The following LAMA2 variants were observed in gnomAD, a reference collection of about 807,000 sequenced individuals.
LAMA2 encodes the protein laminin subunit alpha 2.
LAMA2 carries 269 observed loss-of-function variants against 364.8 expected under a neutral mutation model. The ratio of observed to expected loss-of-function variants is 0.74; its 90% CI spans 0.67 to 0.82. LAMA2 has a LOEUF of 0.82. Ranked by LOEUF, LAMA2 falls within the 40% of genes least tolerant of loss-of-function variation. The probability of loss-of-function intolerance (pLI) is 0.00; values close to 1 mark genes in which losing one functional copy is unlikely to be tolerated. For missense variants in LAMA2, 3,807 were observed against 3,873.2 expected (o/e 0.98, Z 0.45); for synonymous variants, 1,379 against 1,370.6 (o/e 1.01, Z -0.14).
rs112572391 is a variant in LAMA2, at chr6:129,276,918, G to T, written c.2451-3143G>T. ...TCACATACATAAACATATATAGATT[G>T]TTGACATAGTCACATGTATACACAT... On this transcript the variant is annotated intron_variant, in intron 17 of 64. Coordinates refer to ENST00000421865, the MANE Select transcript of LAMA2 (RefSeq NM_000426.4). Among the ~76,000 whole-genome samples the T allele has an allele frequency of 7.3e-3, 1,103 of 151,828 alleles. 12 individuals carry two copies. Among genetic ancestry groups the T allele is most frequent in the African/African-American group, 0.026 (1,060 of 41,378 alleles).
At chr6:129,050,804 A>C (rs1416453509) in intron 2 of LAMA2, among the ~76,000 whole-genome samples, 5 of 152,196 alleles carry the variant, frequency 3.3e-5, no homozygotes, top group Admixed American at 3.3e-4. Context: ...CCAGATTATG[A>C]AGGCATTTAA....
chr6:129,108,732 A>C lies in LAMA2; in HGVS notation c.639+10317A>C, dbSNP rs1281262424. Among the ~76,000 whole-genome samples the C allele has an allele frequency of 2.0e-5, 3 of 152,238 alleles. No homozygotes were observed. The East Asian group carries it at 5.8e-4, about 29-fold the overall frequency. ...AAGACAATAATAGTAACTTATATGC[A>C]TAATTGTTAAAGCAATTTTAAGATT... On this transcript the variant is annotated intron_variant, in intron 4 of 64. Coordinates refer to ENST00000421865, the MANE Select transcript of LAMA2 (RefSeq NM_000426.4).
intron 22 of LAMA2, among the ~76,000 whole-genome samples, chr6:129,312,134 T>A (rs1355930078): frequency 7.0e-6 from 1 of 143,562 alleles, no homozygotes; most frequent in Non-Finnish European, 1.5e-5. Flanking sequence ...GAAAGAACTA[T>A]GTTCCAGTAA....
chr6:129,292,830 C>A (rs1479976842), intron 20 of LAMA2: 4 of 985,626 alleles, frequency 4.1e-6, no homozygotes, highest in Non-Finnish European at 4.8e-6. Context: ...TCCAGAGAAG[C>A]GATTCTGTGT....
rs536391653 is a variant in LAMA2 at position 128,952,923 on chromosome 6, T to A, written c.112+69566T>A. On this transcript the variant is annotated intron_variant, in intron 1 of 64. Transcript: ENST00000421865. Reference sequence around the variant, plus strand: ...CCCTCTCTCTTCTAAGCTTTCCTCTTTGTTGTCTTTATTTTCACTAGGGTT... The same window carrying A: ...CCCTCTCTCTTCTAAGCTTTCCTCTATGTTGTCTTTATTTTCACTAGGGTT... 3.3e-5 allele frequency among the ~76,000 whole-genome samples: 5 copies of A among 152,248 alleles called. No homozygotes were observed. The South Asian group carries it at 6.2e-4, about 19-fold the overall frequency.
chr6:128,975,595 A>G (rs1782480683), intron 1 of LAMA2, among the ~76,000 whole-genome samples: 2 of 152,146 alleles, frequency 1.3e-5, no homozygotes, highest in Non-Finnish European at 2.9e-5. Context: ...CACAATTCCC[A>G]AGGGTCATGG....
At chr6:129,363,736 A>G (rs1777601516) in intron 32 of LAMA2, among the ~76,000 whole-genome samples, 1 of 152,292 alleles carries the variant, frequency 6.6e-6, no homozygotes, top group South Asian at 2.1e-4. Context: ...GGTGTGGACC[A>G]GCCCTCTAGG....
rs188599963 is a variant in LAMA2 at position 129,470,446 on chromosome 6, C to T, written c.7301-2768C>T. On this transcript the variant is annotated intron_variant, in intron 51 of 64. Coordinates refer to ENST00000421865, the MANE Select transcript of LAMA2 (RefSeq NM_000426.4). ...TAAGTAGATATAAACTTGAGTTTGCCCAGATGGCTAAAACCTGAGATGTGG... is the reference window on the plus strand; with the variant it reads ...TAAGTAGATATAAACTTGAGTTTGCTCAGATGGCTAAAACCTGAGATGTGG... Among the ~76,000 whole-genome samples, 794 of 151,836 alleles carry T rather than the reference C, an allele frequency of 5.2e-3. 6 individuals are homozygous for T. The highest frequency in any genetic ancestry group is 7.4e-3 in the Non-Finnish European group (505 of 67,818).
At chr6:129,189,688 T>C (rs1396795576) in intron 10 of LAMA2, among the ~76,000 whole-genome samples, 1 of 152,148 alleles carries the variant, frequency 6.6e-6, no homozygotes, top group Non-Finnish European at 1.5e-5. Flanking sequence ...CAAATTCCTA[T>C]GCTTGCCTCA....
intron 1 of LAMA2, among the ~76,000 whole-genome samples, chr6:129,031,126 G>A (rs1300231374): frequency 6.6e-6 from 1 of 152,158 alleles, no homozygotes; most frequent in Non-Finnish European, 1.5e-5. Flanking sequence ...TTATGTGTGT[G>A]TTCAAACAGC....
At chr6:129,005,272 A>G (rs535130554) in intron 1 of LAMA2, among the ~76,000 whole-genome samples, 270 of 151,580 alleles carry the variant, frequency 1.8e-3, no homozygotes, top group Non-Finnish European at 3.3e-3. Flanking sequence ...TTTCTTCCCT[A>G]TCTCCTTTAT....
At chr6:129,332,913 G>A (rs1775743101) in intron 29 of LAMA2, among the ~76,000 whole-genome samples, 1 of 118,608 alleles carries the variant, frequency 8.4e-6, no homozygotes, top group Admixed American at 9.1e-5. Context: ...TTTTTTTTGA[G>A]AGGGAGTCTT....
intron 1 of LAMA2, among the ~76,000 whole-genome samples, chr6:128,901,130 C>T (rs1020838371): frequency 2.0e-5 from 3 of 152,176 alleles, no homozygotes; most frequent in African/African-American, 7.2e-5. Flanking sequence ...GCACTTTAGC[C>T]TGGGCAACAG....
At chr6:129,328,633 C>T (rs568065949) in intron 29 of LAMA2, among the ~76,000 whole-genome samples, 1 of 152,250 alleles carries the variant, frequency 6.6e-6, no homozygotes, top group African/African-American at 2.4e-5. Context: ...AGAATTTTAG[C>T]AGCATCTTAG....
chr6:129,051,634 T>C (rs984685512), intron 2 of LAMA2, among the ~76,000 whole-genome samples: 2 of 147,596 alleles, frequency 1.4e-5, no homozygotes, highest in African/African-American at 5.0e-5. Flanking sequence ...ATATATATTA[T>C]ATGTAGAGAG....
At position 129,460,257 on chromosome 6, in the gene LAMA2, G is replaced by T. The variant is rs1783182757; in HGVS notation, c.6925G>T (p.Asp2309Tyr). The T allele has an allele frequency of 2.5e-6, 4 of 1,611,684 alleles. No individual in the cohort carries two copies. The South Asian group carries it at 4.4e-5, about 18-fold the overall frequency. Reference sequence around the variant, plus strand: ...TGGCTGCATGGGAGAAACATACTTTGACAACAAACCTATAGGTTTGTGGAA... The same window carrying T: ...TGGCTGCATGGGAGAAACATACTTTTACAACAAACCTATAGGTTTGTGGAA... ...FTGCMGETYF[D>Y]NKPIGLWNFR... Residue 2309 changes from aspartate to tyrosine, a missense_variant, in exon 49 of 65, where the codon GAC becomes TAC. By Grantham distance (160) the Asp-to-Tyr change is radical. This residue lies in a region of LAMA2 where 3,333 missense variants were observed against 3,345.7 expected (regional missense o/e 1.00). Coordinates refer to ENST00000421865, the MANE Select transcript of LAMA2 (RefSeq NM_000426.4).
chr6:129,313,907 C>T (rs550296543), intron 23 of LAMA2, among the ~76,000 whole-genome samples: 1 of 152,202 alleles, frequency 6.6e-6, no homozygotes, highest in African/African-American at 2.4e-5. Flanking sequence ...CAATTATGAT[C>T]ATATATTTAA....
intron 34 of LAMA2, among the ~76,000 whole-genome samples, chr6:129,378,840 A>G (rs1778519753): frequency 1.3e-5 from 2 of 152,276 alleles, no homozygotes; most frequent in Middle Eastern, 3.4e-3. Context: ...GATGCCTTCT[A>G]TATATCTCTA....
Position 129,252,282 on chromosome 6 carries a change from G to T in LAMA2, c.2083G>T (p.Asp695Tyr). Reference protein sequence around the residue: ...LLQITYSFGMDAIFRLSSVNL... With the variant: ...LLQITYSFGMYAIFRLSSVNL... Reference sequence around the variant, plus strand: ...ACAAATCACATACAGCTTTGGGATGGATGCCATCTTCAGGTAAAATCAAGA... The same window carrying T: ...ACAAATCACATACAGCTTTGGGATGTATGCCATCTTCAGGTAAAATCAAGA... Residue 695 changes from aspartate (D) to tyrosine (Y), a missense_variant, in exon 14 of 65, where the codon GAT (aspartate) becomes TAT (tyrosine). By Grantham distance (160) the Asp-to-Tyr change is radical (BLOSUM62 -3). This residue lies in a region of LAMA2 where 3,333 missense variants were observed against 3,345.7 expected (regional missense o/e 1.00). Coordinates refer to ENST00000421865, the MANE Select transcript of LAMA2 (RefSeq NM_000426.4). 1 of 1,613,008 alleles carries T rather than the reference G, an allele frequency of 6.2e-7. No individual in the cohort carries two copies. Among genetic ancestry groups the T allele is most frequent in the Non-Finnish European group, 8.5e-7 (1 of 1,179,230 alleles).
Sources: gnomAD v4.1 joint callset for allele counts (sites outside exome capture counted in the v4.1 genomes callset) on GRCh38, gnomAD v4.1.1 for gene constraint, gnomAD v4.1.1 regional missense constraint, MANE v1.5 for transcripts, NCBI Gene and HGNC (gene_info 2026-07-23, HGNC 2026-07-21) for gene names.